Variants in IRAK1BP1 observed in about 807,000 individuals in gnomAD.
IRAK1BP1 encodes interleukin-1 receptor-associated kinase 1-binding protein 1.
In IRAK1BP1, 24 loss-of-function variants were observed where a neutral mutation model predicts 28.0. The observed-to-expected ratio is 0.86, with a 90% confidence interval of 0.62 to 1.20. IRAK1BP1 has a LOEUF of 1.20. IRAK1BP1 is among the 50% of genes most tolerant of loss of function. The probability of loss-of-function intolerance (pLI) is 0.00; values close to 1 mark genes in which losing one functional copy is unlikely to be tolerated. For synonymous variants in IRAK1BP1, 131 were observed against 116.3 expected, an observed-to-expected ratio of 1.13 and a Z score of -0.81; for missense variants, 336 against 316.7, an observed-to-expected ratio of 1.06 and a Z score of -0.46.
At chr6:78,919,514 A>G (rs1424547542) in intron 4 of IRAK1BP1, among the ~76,000 whole-genome samples, 2 of 152,222 alleles carry the variant, frequency 1.3e-5, no homozygotes, top group Non-Finnish European at 2.9e-5. Context: ...AGGTGACATT[A>G]CAACTGACCC....
At chr6:78,973,685 G>C in the IRAK1BP1 span, among the ~76,000 whole-genome samples, 9 of 151,144 alleles carry the variant, frequency 6.0e-5, no homozygotes, top group South Asian at 2.1e-4. Flanking sequence ...GGAGGAAGAT[G>C]TACCAAGCAA....
At chr6:78,925,677 T>G (rs1772868707) in intron 4 of IRAK1BP1, among the ~76,000 whole-genome samples, 1 of 152,102 alleles carries the variant, frequency 6.6e-6, no homozygotes, top group African/African-American at 2.4e-5. Flanking sequence ...AACTCAGTAA[T>G]CCCATCACTA....
intron 4 of IRAK1BP1, among the ~76,000 whole-genome samples, chr6:78,942,408 A>G (rs1035385503): frequency 1.3e-5 from 2 of 152,162 alleles, no homozygotes; most frequent in Non-Finnish European, 2.9e-5. Flanking sequence ...CTTTGAACCC[A>G]GGAGGCGGAG....
the IRAK1BP1 span, chr6:78,954,918 C>T: frequency 2.0e-5 from 32 of 1,584,176 alleles, no homozygotes; most frequent in Non-Finnish European, 2.4e-5. Flanking sequence ...GCTTGAATAT[C>T]GTAAGACTGG....
chr6:78,912,970 T>C (rs1414596516), intron 4 of IRAK1BP1, among the ~76,000 whole-genome samples: 4 of 152,182 alleles, frequency 2.6e-5, no homozygotes, highest in African/African-American at 4.8e-5. Context: ...TCTATAAGCA[T>C]ATATATGTGG....
intron 4 of IRAK1BP1, among the ~76,000 whole-genome samples, chr6:78,923,164 G>A (rs1160281361): frequency 6.6e-6 from 1 of 152,138 alleles, no homozygotes; most frequent in Admixed American, 6.6e-5. Context: ...TCAGTGTGCT[G>A]TATTCAGGAA....
the IRAK1BP1 span, among the ~76,000 whole-genome samples, chr6:78,961,318 A>G: frequency 6.6e-6 from 1 of 151,912 alleles, no homozygotes; most frequent in African/African-American, 2.4e-5. Flanking sequence ...ATTATATTAA[A>G]AATCAATGAA....
At chr6:78,896,202 G>A (rs1167109052) in intron 2 of IRAK1BP1, among the ~76,000 whole-genome samples, 1 of 151,814 alleles carries the variant, frequency 6.6e-6, no homozygotes, top group East Asian at 1.9e-4. Context: ...ATCTCAGCCA[G>A]CTTTTCAAAA....
intron 1 of IRAK1BP1, among the ~76,000 whole-genome samples, chr6:78,868,907 G>A (rs1158275312): frequency 6.6e-6 from 1 of 152,182 alleles, no homozygotes; most frequent in Non-Finnish European, 1.5e-5. Context: ...AAAAGTGCAG[G>A]CATTGTTACT....
intron 1 of IRAK1BP1, among the ~76,000 whole-genome samples, chr6:78,876,943 G>A (rs932843466): frequency 4.6e-5 from 7 of 152,104 alleles, no homozygotes; most frequent in Admixed American, 1.3e-4. Flanking sequence ...TATCAGAAAC[G>A]TATCTATAGT....
rs764075684 is a variant in IRAK1BP1, at chr6:78,926,867, A to C, written c.*68-18541A>C. 7.0e-4 allele frequency among the ~76,000 whole-genome samples: 106 copies of C among 152,204 alleles called. 1 individual carries two copies. Among genetic ancestry groups the C allele is most frequent in the East Asian group, 5.8e-4 (3 of 5,172 alleles). On this transcript the variant is annotated intron_variant and NMD_transcript_variant, in intron 4 of 4. Transcript: ENST00000606868. Reference sequence around the variant, plus strand: ...CTCAGTTCCATCTATGTTGTTGCAAATGGCAGGATCTTATTCTTTCGTATG... The same window carrying C: ...CTCAGTTCCATCTATGTTGTTGCAACTGGCAGGATCTTATTCTTTCGTATG...
chr6:78,961,304 ATATAT>A, the IRAK1BP1 span, among the ~76,000 whole-genome samples: 50 of 152,026 alleles, frequency 3.3e-4, no homozygotes, highest in Middle Eastern at 3.4e-3. Context: ...AATTTTTATT[ATATAT>A]TATATTAAAA....
intron 4 of IRAK1BP1, chr6:78,945,194 C>CT: frequency 1.2e-6 from 1 of 813,814 alleles, no homozygotes; most frequent in South Asian, 1.6e-5. Context: ...AGATGTGTGA[C>CT]TTTTAAGTGG....
chr6:78,893,674 G>A (rs1248536093), intron 2 of IRAK1BP1, among the ~76,000 whole-genome samples: 1 of 152,104 alleles, frequency 6.6e-6, no homozygotes, highest in African/African-American at 2.4e-5. Context: ...GGGAGGCCGA[G>A]GTGGGTGGAT....
chr6:78,883,675 G>A (rs1489433498), intron 1 of IRAK1BP1, among the ~76,000 whole-genome samples: 3 of 152,152 alleles, frequency 2.0e-5, no homozygotes, highest in African/African-American at 7.2e-5. Context: ...GTGATTGCAA[G>A]CAATATATAT....
chr6:78,922,039 A>T lies in IRAK1BP1; in HGVS notation c.*67+18929A>T, dbSNP rs548070739. On this transcript the variant is annotated intron_variant and NMD_transcript_variant, in intron 4 of 4. Coordinates refer to the IRAK1BP1 transcript ENST00000606868. ...AGGCTATCCTCCTCCAAAGGAACACAGCTCTTCATCAGCAATGGAACAAAG... is the reference window on the plus strand; with the variant it reads ...AGGCTATCCTCCTCCAAAGGAACACTGCTCTTCATCAGCAATGGAACAAAG... Among the ~76,000 whole-genome samples the T allele has an allele frequency of 8.3e-4, 126 of 152,378 alleles. 1 individual carries two copies. The highest frequency in any genetic ancestry group is 1.0e-3 in the Non-Finnish European group (70 of 68,040).
chr6:78,933,860 A>C (rs1220278689), intron 4 of IRAK1BP1, among the ~76,000 whole-genome samples: 1 of 152,058 alleles, frequency 6.6e-6, no homozygotes, highest in Non-Finnish European at 1.5e-5. Flanking sequence ...TCATATGTTC[A>C]CTGAAGTAGC....
At chr6:78,965,542 A>C in the IRAK1BP1 span, among the ~76,000 whole-genome samples, 1 of 152,182 alleles carries the variant, frequency 6.6e-6, no homozygotes, top group Non-Finnish European at 1.5e-5. Flanking sequence ...TTCACTGCTG[A>C]ATCTCCCCTA....
intron 4 of IRAK1BP1, among the ~76,000 whole-genome samples, chr6:78,913,002 G>A (rs1038033701): frequency 2.6e-5 from 4 of 152,094 alleles, no homozygotes; most frequent in Non-Finnish European, 4.4e-5. Context: ...TGTGTGTCAT[G>A]GTCTAAAATG....
Sources: gnomAD v4.1 joint callset for allele counts (sites outside exome capture counted in the v4.1 genomes callset) on GRCh38, gnomAD v4.1.1 for gene constraint, MANE v1.5 for transcripts, NCBI Gene and HGNC (gene_info 2026-07-23, HGNC 2026-07-21) for gene names.